CADM1: variants seen among roughly 807,000 people sequenced by gnomAD.
CADM1 encodes cell adhesion molecule 1, also known as TSLC-1.
In CADM1, 15 loss-of-function variants were observed where a neutral mutation model predicts 53.1. That is an observed-to-expected ratio of 0.28 (90% CI 0.19 to 0.44). The LOEUF is 0.44. Among genes scored for constraint, CADM1 ranks in the 20% least tolerant of loss-of-function variants. The pLI is 1.00. For missense variants in CADM1, 434 were observed against 611.3 expected, an observed-to-expected ratio of 0.71 and a Z score of 3.06; for synonymous variants, 281 against 243.0, an observed-to-expected ratio of 1.16 and a Z score of -1.45.
chr11:115,319,163 T>C (rs919312125), intron 1 of CADM1, among the ~76,000 whole-genome samples: 13 of 152,250 alleles, frequency 8.5e-5, no homozygotes, highest in African/African-American at 3.1e-4. Flanking sequence ...AACCCCTCTT[T>C]TTAAGCTGTG....
At chr11:115,400,639 ATGTG>A (rs1194789992) in intron 1 of CADM1, among the ~76,000 whole-genome samples, 49 of 73,324 alleles carry the variant, frequency 6.7e-4, no homozygotes, top group African/African-American at 8.5e-4. Flanking sequence ...TATCATATAT[ATGTG>A]TGTGTGTGTG....
At position 115,411,952 on chromosome 11, in the gene CADM1, G is replaced by GT. The variant is rs376928414; in HGVS notation, c.124+92318_124+92319insA. On this transcript the variant is annotated intron_variant, in intron 1 of 11. Coordinates refer to ENST00000331581, the MANE Select transcript of CADM1 (RefSeq NM_001301043.2). The stretch of plus-strand genomic sequence containing the variant: ...GTTTTTATGAAGCACCTCTTGACAA[G>GT]ACTAAAAACAGAAATTTTTACAAAA... Among the ~76,000 whole-genome samples the GT allele has an allele frequency of 5.7e-4, 87 of 152,168 alleles. 1 individual carries two copies. Among genetic ancestry groups the GT allele is most frequent in the African/African-American group, 2.0e-3 (83 of 41,534 alleles).
chr11:115,214,397 A>C lies in CADM1; in HGVS notation c.994+211T>G, dbSNP rs538450370. 1.0e-5 allele frequency: 6 copies of C among 586,078 alleles called. No homozygotes were observed. In the Admixed American group the frequency reaches 1.1e-4, roughly 11 times the overall value. 36.3% of individuals were successfully genotyped at this position (586,078 alleles called of 1,614,324 possible). ...TCAGCATGACCAAAGACTGTGATCT[A>C]GTAGAAACACCCACCATTAGAGGGA... On this transcript the variant is annotated intron_variant, in intron 7 of 11. Transcript: ENST00000331581.
intron 1 of CADM1, among the ~76,000 whole-genome samples, chr11:115,358,029 C>G (rs939495259): frequency 2.0e-5 from 3 of 152,030 alleles, no homozygotes; most frequent in African/African-American, 7.2e-5. Context: ...ATAATAAAGT[C>G]CACATATATG....
chr11:115,467,119 A>G (rs900241141), intron 1 of CADM1, among the ~76,000 whole-genome samples: 2 of 152,214 alleles, frequency 1.3e-5, no homozygotes, highest in African/African-American at 4.8e-5. Flanking sequence ...ATGCTTTTAT[A>G]TTATGAGAGA....
At chr11:115,282,190 G>A (rs530313476) in intron 1 of CADM1, among the ~76,000 whole-genome samples, 61 of 152,168 alleles carry the variant, frequency 4.0e-4, no homozygotes, top group African/African-American at 1.3e-3. Flanking sequence ...TTTTGCTATC[G>A]TCACAGTAAT....
intron 1 of CADM1, among the ~76,000 whole-genome samples, chr11:115,247,140 T>G (rs935925129): frequency 2.6e-5 from 4 of 152,342 alleles, no homozygotes; most frequent in African/African-American, 9.6e-5. Context: ...TTCCAAAAGC[T>G]GATTACTATG....
At chr11:115,245,119 C>G (rs1040499244) in intron 1 of CADM1, among the ~76,000 whole-genome samples, 2 of 152,174 alleles carry the variant, frequency 1.3e-5, no homozygotes, top group African/African-American at 2.4e-5. Flanking sequence ...GAAGGAGCAC[C>G]AGCGACTCTT....
At chr11:115,320,783 A>C (rs548773362) in intron 1 of CADM1, among the ~76,000 whole-genome samples, 20 of 152,240 alleles carry the variant, frequency 1.3e-4, no homozygotes, top group Admixed American at 2.6e-4. Context: ...ACCCCTAAAA[A>C]TAGAAGGAAA....
At chr11:115,239,599 G>A (rs750944666) in intron 2 of CADM1, among the ~76,000 whole-genome samples, 7 of 151,960 alleles carry the variant, frequency 4.6e-5, no homozygotes, top group African/African-American at 7.3e-5. Flanking sequence ...GTTTATCAAC[G>A]TTTTCCACAG....
intron 10 of CADM1, among the ~76,000 whole-genome samples, chr11:115,181,178 A>G (rs1939294568): frequency 3.9e-5 from 5 of 127,530 alleles, no homozygotes; most frequent in African/African-American, 8.5e-5. Flanking sequence ...GGGAGGGGGG[A>G]GGGGAGAGAC....
intron 8 of CADM1, among the ~76,000 whole-genome samples, chr11:115,206,071 A>G (rs1469418768): frequency 6.6e-6 from 1 of 152,216 alleles, no homozygotes; most frequent in Non-Finnish European, 1.5e-5. Context: ...ACATTAGCCT[A>G]TAGTTGGGTA....
chr11:115,317,983 TACACACACACACAC>T (rs35753948), intron 1 of CADM1, among the ~76,000 whole-genome samples: 2 of 149,084 alleles, frequency 1.3e-5, no homozygotes, highest in African/African-American at 2.5e-5. Flanking sequence ...TATTACACAC[TACACACACACACAC>T]ACACACACAC....
Position 115,220,178 on chromosome 11 carries a change from A to G in CADM1, c.722-2187T>C, listed in dbSNP as rs974184515. On this transcript the variant is annotated intron_variant, in intron 5 of 11. Coordinates refer to ENST00000331581, the MANE Select transcript of CADM1 (RefSeq NM_001301043.2). ...TTTTGTTTTTCTTCTTTTTTCCTTA[A>G]TGTAATTTACAAGCAAACAGAGAGG... Among the ~76,000 whole-genome samples, 4 of 152,202 alleles carry G rather than the reference A, an allele frequency of 2.6e-5. No individual in the cohort carries two copies. The East Asian group carries it at 7.7e-4, about 29-fold the overall frequency.
intron 1 of CADM1, among the ~76,000 whole-genome samples, chr11:115,445,134 T>A (rs1948420291): frequency 6.6e-6 from 1 of 152,246 alleles, no homozygotes; most frequent in Admixed American, 6.5e-5. Flanking sequence ...TAGATTTATG[T>A]CAACCTGTCC....
chr11:115,391,651 T>C (rs1425031482), intron 1 of CADM1, among the ~76,000 whole-genome samples: 2 of 152,204 alleles, frequency 1.3e-5, no homozygotes, highest in East Asian at 1.9e-4. Flanking sequence ...AAAACAACAC[T>C]AGCACTTACT....
rs1325517009 is a variant in CADM1, at chr11:115,400,632, CAT to C, written c.124+103637_124+103638del. ...ATATATATCTTTTATATATATGTAT[CAT>C]ATATATGTGTGTGTGTGTGTGTGTG... On this transcript the variant is annotated intron_variant, in intron 1 of 11. Transcript: ENST00000331581. 1.7e-3 allele frequency among the ~76,000 whole-genome samples: 138 copies of C among 81,726 alleles called. No individual in the cohort carries two copies. The East Asian group carries it at 0.018, about 11-fold the overall frequency. 53.6% of individuals were successfully genotyped at this position (81,726 alleles called of 152,430 possible).
chr11:115,335,160 G>A (rs1231218844), intron 1 of CADM1, among the ~76,000 whole-genome samples: 1 of 152,048 alleles, frequency 6.6e-6, no homozygotes, highest in African/African-American at 2.4e-5. Context: ...CACGTCAGGG[G>A]TGTGGTTCTC....
intron 1 of CADM1, among the ~76,000 whole-genome samples, chr11:115,241,483 T>G (rs2134918684): frequency 6.6e-6 from 1 of 152,318 alleles, no homozygotes; most frequent in Admixed American, 6.5e-5. Context: ...AGAGAGAGAC[T>G]GCTTTTTAGC....
Sources: allele counts gnomAD v4.1 joint callset (sites outside exome capture counted in the v4.1 genomes callset), GRCh38; gene constraint gnomAD v4.1.1; transcripts MANE v1.5; gene names NCBI Gene and HGNC (gene_info 2026-07-23, HGNC 2026-07-21).